Variants in ELMO1 observed in about 807,000 individuals in gnomAD.
ELMO1 encodes engulfment and cell motility 1, also known as engulfment and cell motility protein 1.
ELMO1 carries 26 observed loss-of-function variants against 98.9 expected under a neutral mutation model. That is an observed-to-expected ratio of 0.26 (90% CI 0.19 to 0.36). The LOEUF (loss-of-function observed/expected upper bound fraction) is 0.36, where lower values mean the gene tolerates loss of function less well. ELMO1 is among the 10% of genes least tolerant of loss of function. The pLI, the probability that ELMO1 is intolerant of heterozygous loss-of-function variation, is 1.00. For missense variants in ELMO1, 627 were observed against 935.2 expected (o/e 0.67, Z 4.30); for synonymous variants, 346 against 346.0 (o/e 1.00, Z 0.00).
At chr7:37,019,218 T>C (rs1794130252) in intron 15 of ELMO1, among the ~76,000 whole-genome samples, 2 of 152,222 alleles carry the variant, frequency 1.3e-5, no homozygotes, top group African/African-American at 4.8e-5. Flanking sequence ...AAACCCAGCA[T>C]TGTATCTCCA....
chr7:37,279,699 A>G (rs1230287969), intron 4 of ELMO1, among the ~76,000 whole-genome samples: 1 of 152,200 alleles, frequency 6.6e-6, no homozygotes, highest in Admixed American at 6.5e-5. Flanking sequence ...TGCGTCCCCT[A>G]GCAGGCCATT....
chr7:36,917,651 G>A (rs1011274982), intron 16 of ELMO1, among the ~76,000 whole-genome samples: 1 of 152,190 alleles, frequency 6.6e-6, no homozygotes, highest in Non-Finnish European at 1.5e-5. Flanking sequence ...GATGTAAGGA[G>A]ATGGGAACTC....
chr7:37,011,690 A>C (rs1793571961), intron 16 of ELMO1, among the ~76,000 whole-genome samples: 1 of 152,230 alleles, frequency 6.6e-6, no homozygotes, highest in East Asian at 1.9e-4. Flanking sequence ...AGGTGTCCCC[A>C]GCTCGCAAAG....
intron 16 of ELMO1, among the ~76,000 whole-genome samples, chr7:36,944,665 G>A (rs1012344505): frequency 2.0e-5 from 3 of 152,124 alleles, no homozygotes; most frequent in East Asian, 1.9e-4. Flanking sequence ...TGAAGTCAAC[G>A]GGACTTCACA....
intron 16 of ELMO1, among the ~76,000 whole-genome samples, chr7:36,991,858 G>A (rs959905861): frequency 6.6e-6 from 1 of 152,114 alleles, no homozygotes; most frequent in Non-Finnish European, 1.5e-5. Context: ...ATGGAGAAAC[G>A]AAGGCTCAAG....
At chr7:37,091,942 C>T (rs2129249801) in intron 15 of ELMO1, among the ~76,000 whole-genome samples, 1 of 152,230 alleles carries the variant, frequency 6.6e-6, no homozygotes, top group Admixed American at 6.5e-5. Flanking sequence ...TGATTATCTC[C>T]CACTGGGTCC....
At chr7:36,921,006 A>T (rs1479592706) in intron 16 of ELMO1, among the ~76,000 whole-genome samples, 1 of 152,180 alleles carries the variant, frequency 6.6e-6, no homozygotes, top group Non-Finnish European at 1.5e-5. Context: ...GCTGTAATGA[A>T]TAGGGTTACT....
chr7:37,058,056 G>A (rs1037378014), intron 15 of ELMO1, among the ~76,000 whole-genome samples: 3 of 152,176 alleles, frequency 2.0e-5, no homozygotes, highest in African/African-American at 7.2e-5. Context: ...CTTTACACAG[G>A]CACACACATG....
In ELMO1 at chr7:37,090,866, C is replaced by G. The variant is rs192183860; in HGVS notation, c.1300+5753G>C. Among the ~76,000 whole-genome samples, 168 of 152,282 alleles carry G rather than the reference C, an allele frequency of 1.1e-3. 1 individual carries two copies. Among genetic ancestry groups the G allele is most frequent in the African/African-American group, 3.9e-3 (162 of 41,554 alleles). On this transcript the variant is annotated intron_variant, in intron 15 of 21. Transcript: ENST00000310758. ...TGAAGGACCCTCCAGTTAGTGTGAG[C>G]TGCCTGAGGATGGAGAATGGGTTCT...
At chr7:37,125,751 A>G (rs1786464701) in intron 14 of ELMO1, among the ~76,000 whole-genome samples, 3 of 152,304 alleles carry the variant, frequency 2.0e-5, no homozygotes, top group African/African-American at 7.2e-5. Context: ...ATTCCTCAAG[A>G]ATCGAGAACT....
intron 15 of ELMO1, among the ~76,000 whole-genome samples, chr7:37,084,473 A>G (rs1297217240): frequency 6.6e-6 from 1 of 152,220 alleles, no homozygotes; most frequent in African/African-American, 2.4e-5. Context: ...TCTGTAAGGA[A>G]GACAGGATAT....
intron 15 of ELMO1, among the ~76,000 whole-genome samples, chr7:37,028,519 G>C (rs895207161): frequency 2.6e-5 from 4 of 152,082 alleles, no homozygotes; most frequent in Non-Finnish European, 4.4e-5. Flanking sequence ...GAGAAAAGTA[G>C]ACAATTCACA....
chr7:37,385,678 C>T lies in ELMO1; in HGVS notation c.-73-42915G>A, dbSNP rs377110444. Among the ~76,000 whole-genome samples the T allele has an allele frequency of 2.6e-5, 4 of 152,326 alleles. No individual in the cohort carries two copies. The East Asian group carries it at 7.7e-4, about 29-fold the overall frequency. ...GAGTATTTGGTTTCCCACTGTATCCCGTGTCTAGGAGAGGGTCTGGTAGAT... is the reference window on the plus strand; with the variant it reads ...GAGTATTTGGTTTCCCACTGTATCCTGTGTCTAGGAGAGGGTCTGGTAGAT... On this transcript the variant is annotated intron_variant, in intron 1 of 21. Coordinates refer to ENST00000310758, the MANE Select transcript of ELMO1 (RefSeq NM_014800.11).
At chr7:36,910,833 G>A (rs934247884) in intron 16 of ELMO1, among the ~76,000 whole-genome samples, 1 of 152,180 alleles carries the variant, frequency 6.6e-6, no homozygotes, top group Non-Finnish European at 1.5e-5. Context: ...GACACGTGGT[G>A]CCTCCCTGGC....
chr7:37,159,904 T>C (rs1789087659), intron 13 of ELMO1, among the ~76,000 whole-genome samples: 1 of 152,200 alleles, frequency 6.6e-6, no homozygotes, highest in Non-Finnish European at 1.5e-5. Context: ...GGTAGGCACA[T>C]ACATGAATAC....
intron 21 of ELMO1, among the ~76,000 whole-genome samples, chr7:36,857,525 G>A (rs1802296958): frequency 6.6e-6 from 1 of 152,114 alleles, no homozygotes; most frequent in African/African-American, 2.4e-5. Context: ...TAGCTTCCTA[G>A]TATAGATTAG....
rs561689622 is a variant in ELMO1 at position 37,245,983 on chromosome 7, C to T, written c.414-1592G>A. 1.1e-4 allele frequency among the ~76,000 whole-genome samples: 16 copies of T among 152,272 alleles called. No homozygotes were observed. In the South Asian group the frequency reaches 3.1e-3, roughly 30 times the overall value. On this transcript the variant is annotated intron_variant, in intron 6 of 21. Transcript: ENST00000310758. ...ATAGAGTGATGTGCTGATGTTGAAACACCAGATCTCTGGGGAAAAACACAC... is the reference window on the plus strand; with the variant it reads ...ATAGAGTGATGTGCTGATGTTGAAATACCAGATCTCTGGGGAAAAACACAC...
intron 16 of ELMO1, among the ~76,000 whole-genome samples, chr7:36,948,558 TTCC>T (rs1403579443): frequency 6.6e-6 from 1 of 152,198 alleles, no homozygotes; most frequent in Non-Finnish European, 1.5e-5. Flanking sequence ...GAGCAGTAAC[TTCC>T]TCCATACCAC....
At chr7:37,409,687 T>G (rs1803917176) in intron 1 of ELMO1, among the ~76,000 whole-genome samples, 1 of 152,086 alleles carries the variant, frequency 6.6e-6, no homozygotes, top group Non-Finnish European at 1.5e-5. Context: ...GTGGCTGGGT[T>G]CCAAGAGCTA....
Sources: allele counts gnomAD v4.1 joint callset (sites outside exome capture counted in the v4.1 genomes callset), GRCh38; gene constraint gnomAD v4.1.1; transcripts MANE v1.5; gene names NCBI Gene and HGNC (gene_info 2026-07-23, HGNC 2026-07-21).